Variants in FUT8 observed in about 807,000 individuals in gnomAD.
FUT8 encodes alpha-(1,6)-fucosyltransferase.
A neutral mutation model predicts 71.3 loss-of-function variants in FUT8; 29 were observed. That is an observed-to-expected ratio of 0.41 (90% confidence interval 0.30 to 0.55). The LOEUF is 0.55. Among genes scored for constraint, FUT8 ranks in the 20% least tolerant of loss-of-function variants. The probability of loss-of-function intolerance (pLI) is 0.34; values close to 1 mark genes in which losing one functional copy is unlikely to be tolerated. For missense variants in FUT8, 544 were observed against 702.1 expected (o/e 0.77, Z 2.55); for synonymous variants, 254 against 239.3 (o/e 1.06, Z -0.57).
At chr14:65,405,157 C>T in the FUT8 span, among the ~76,000 whole-genome samples, 7 of 152,104 alleles carry the variant, frequency 4.6e-5, no homozygotes, top group South Asian at 2.1e-4. Flanking sequence ...TGGAGAGAAG[C>T]GATAAGAAGG....
chr14:65,653,720 T>C lies in FUT8; in HGVS notation c.598-15523T>C, dbSNP rs139291387. ...AAGTAGGAAAACTGTATCGTTTGTT[T>C]TGAGCCAACATCTTGCTATTTTGCC... On this transcript the variant is annotated intron_variant, in intron 6 of 10. Transcript: ENST00000673929. Among the ~76,000 whole-genome samples the C allele has an allele frequency of 5.1e-3, 777 of 152,328 alleles. 7 individuals are homozygous for C. The highest frequency in any genetic ancestry group is 0.018 in the African/African-American group (743 of 41,564).
chr14:65,702,612 A>G (rs1388784612), intron 7 of FUT8, among the ~76,000 whole-genome samples: 1 of 152,222 alleles, frequency 6.6e-6, no homozygotes, highest in Non-Finnish European at 1.5e-5. Flanking sequence ...TCCCTGCCAG[A>G]ATCTTTATGA....
chr14:65,508,330 A>G (rs1193817308), intron 2 of FUT8, among the ~76,000 whole-genome samples: 3 of 151,670 alleles, frequency 2.0e-5, no homozygotes, highest in African/African-American at 2.4e-5. Context: ...TCAACCTCCC[A>G]AAGTGCTAGG....
intron 2 of FUT8, among the ~76,000 whole-genome samples, chr14:65,517,205 T>C (rs11852179): frequency 0.074 from 11,235 of 152,198 alleles, 493 homozygotes; most frequent in Admixed American, 0.12. Context: ...TTGAGTGTGT[T>C]AATATATTTT....
chr14:65,654,861 A>G (rs1366005888), intron 6 of FUT8, among the ~76,000 whole-genome samples: 1 of 151,910 alleles, frequency 6.6e-6, no homozygotes, highest in African/African-American at 2.4e-5. Flanking sequence ...GAAAGAGAGA[A>G]AAAAAAATAC....
intron 2 of FUT8, among the ~76,000 whole-genome samples, chr14:65,495,018 G>T (rs959919034): frequency 1.3e-5 from 2 of 151,958 alleles, no homozygotes; most frequent in African/African-American, 4.8e-5. Flanking sequence ...GAGCTCTGGA[G>T]GAGAGGCACA....
At chr14:65,682,276 G>C (rs1030489723) in intron 7 of FUT8, among the ~76,000 whole-genome samples, 3 of 152,248 alleles carry the variant, frequency 2.0e-5, no homozygotes, top group Non-Finnish European at 4.4e-5. Context: ...GTTGATGCAG[G>C]AGGATCGCTT....
At chr14:65,359,067 G>GT in the FUT8 span, among the ~76,000 whole-genome samples, 19 of 151,882 alleles carry the variant, frequency 1.3e-4, no homozygotes, top group South Asian at 1.3e-3. Context: ...TTTTAGAACT[G>GT]TTTTTTTTCC....
rs1458361972 is a variant in FUT8, at chr14:65,652,145, A to C, written c.598-17098A>C. Among the ~76,000 whole-genome samples, 1 of 152,172 alleles carries C rather than the reference A, an allele frequency of 6.6e-6. No homozygotes were observed. The highest frequency in any genetic ancestry group is 1.5e-5 in the Non-Finnish European group (1 of 68,028). On this transcript the variant is annotated intron_variant, in intron 6 of 10. Transcript: ENST00000673929. The surrounding 1 kb of genome is among the most constrained non-coding windows in gnomAD (Gnocchi z 4.0). The stretch of plus-strand genomic sequence containing the variant: ...GCCTCCAGAAGAAGCCAACCCTGCC[A>C]ACACCTTGATTTTGGACTTCTGGCT...
intron 2 of FUT8, among the ~76,000 whole-genome samples, chr14:65,460,079 A>G (rs1397587202): frequency 1.3e-5 from 2 of 152,148 alleles, no homozygotes; most frequent in East Asian, 1.9e-4. Context: ...TTTGCTCTAT[A>G]TGTTTTCTCT....
At chr14:65,474,467 GCTGGCTCCCAC>G (rs956333506) in intron 2 of FUT8, among the ~76,000 whole-genome samples, 3 of 49,846 alleles carry the variant, frequency 6.0e-5, no homozygotes, top group Non-Finnish European at 1.2e-4. Flanking sequence ...AGCCAGGCGT[GCTGGCTCCCAC>G]CTGTAATCCC....
rs1357039351 is a variant in FUT8 at position 65,743,038 on chromosome 14, C to G, written c.*628C>G. ...AATACATCAGAAAATAAAATATTCA[C>G]TCTCCATTAGAAAATTTTGTAAAAC... On this transcript the variant is annotated 3_prime_UTR_variant, in exon 11 of 11. Coordinates refer to ENST00000673929, the MANE Select transcript of FUT8 (RefSeq NM_001371533.1). 1 of 151,300 alleles carries G rather than the reference C, an allele frequency of 6.6e-6. No individual in the cohort carries two copies. The highest frequency in any genetic ancestry group is 1.5e-5 in the Non-Finnish European group (1 of 67,734). The allele number at this position is 151,300 out of a possible 1,614,324, so 9.4% of individuals were successfully genotyped here.
chr14:65,646,944 G>A lies in FUT8; in HGVS notation c.597+17338G>A, dbSNP rs377028779. On this transcript the variant is annotated intron_variant, in intron 6 of 10. Coordinates refer to ENST00000673929, the MANE Select transcript of FUT8 (RefSeq NM_001371533.1). ...AGGTTGTCTAAAAAAGTATTTGGATGTTTGTGTACTTGGATTATGCAAATT... is the reference window on the plus strand; with the variant it reads ...AGGTTGTCTAAAAAAGTATTTGGATATTTGTGTACTTGGATTATGCAAATT... 4.6e-5 allele frequency among the ~76,000 whole-genome samples: 7 copies of A among 152,194 alleles called. No individual in the cohort carries two copies. In the East Asian group the frequency reaches 5.8e-4, roughly 13 times the overall value.
chr14:65,632,731 G>A (rs2140272367), intron 6 of FUT8, among the ~76,000 whole-genome samples: 1 of 152,204 alleles, frequency 6.6e-6, no homozygotes, highest in Admixed American at 6.5e-5. Context: ...TTACCTCTGA[G>A]CTATTTATCT....
chr14:65,685,260 G>A (rs1192899126), intron 7 of FUT8, among the ~76,000 whole-genome samples: 1 of 151,996 alleles, frequency 6.6e-6, no homozygotes, highest in Non-Finnish European at 1.5e-5. Flanking sequence ...AGGAGATTTG[G>A]ACACAGTTTT....
intron 2 of FUT8, among the ~76,000 whole-genome samples, chr14:65,480,857 T>G (rs1312174507): frequency 6.6e-6 from 1 of 151,924 alleles, no homozygotes; most frequent in Non-Finnish European, 1.5e-5. Flanking sequence ...GGCTAATTTT[T>G]TTTTGTATTT....
chr14:65,577,515 T>C (rs1240245008), intron 3 of FUT8, among the ~76,000 whole-genome samples: 2 of 152,234 alleles, frequency 1.3e-5, no homozygotes, highest in African/African-American at 4.8e-5. Flanking sequence ...AAGATTTTTG[T>C]GTATTAGTAG....
At chr14:65,650,434 T>G (rs1891335015) in intron 6 of FUT8, among the ~76,000 whole-genome samples, 1 of 148,890 alleles carries the variant, frequency 6.7e-6, no homozygotes, top group Admixed American at 6.7e-5. Flanking sequence ...AAACTTACAA[T>G]CATGGCAGAA....
chr14:65,669,365 A>C lies in FUT8; in HGVS notation c.720A>C (p.Thr240=), dbSNP rs758456368. 7 of 1,613,798 alleles carry C rather than the reference A, an allele frequency of 4.3e-6. No homozygotes were observed. In the East Asian group the frequency reaches 1.6e-4, roughly 36 times the overall value. The change falls in exon 7 of 11, where the codon ACA becomes ACC. Residue 240 remains threonine, a synonymous_variant. Transcript: ENST00000673929. The surrounding 1 kb of genome is among the most constrained non-coding windows in gnomAD (Gnocchi z 4.5). ...TGATTGCATATGGCACCCAGCGAAC[A>C]CTCATCTTGGAATCTCAGAATTGGC... ...CFMIAYGTQR[T]LILESQNWRY...
Sources: allele counts gnomAD v4.1 joint callset (sites outside exome capture counted in the v4.1 genomes callset), GRCh38; gene constraint gnomAD v4.1.1; non-coding constraint Gnocchi (gnomAD v3.1); transcripts MANE v1.5; gene names NCBI Gene and HGNC (gene_info 2026-07-23, HGNC 2026-07-21).